The following CELF2 variants were observed in gnomAD, a reference collection of about 807,000 sequenced individuals.
CELF2 encodes CUG triplet repeat RNA-binding protein 2.
In CELF2, 8 loss-of-function variants were observed where a neutral mutation model predicts 62.6. The observed-to-expected ratio is 0.13, with a 90% confidence interval of 0.07 to 0.23. The LOEUF (loss-of-function observed/expected upper bound fraction) is 0.23. CELF2 is among the 10% of genes least tolerant of loss of function. The pLI is 1.00. For synonymous variants in CELF2, 258 were observed against 250.0 expected (o/e 1.03, Z -0.30); for missense variants, 333 against 671.0 (o/e 0.50, Z 5.56).
At chr10:10,804,313 A>G (rs2054979314) in intron 1 of CELF2, among the ~76,000 whole-genome samples, 1 of 152,120 alleles carries the variant, frequency 6.6e-6, no homozygotes, top group Non-Finnish European at 1.5e-5. Flanking sequence ...ACCTAATAAA[A>G]CTTTATTTAA....
chr10:10,895,500 A>G (rs1313227581), intron 1 of CELF2, among the ~76,000 whole-genome samples: 1 of 152,176 alleles, frequency 6.6e-6, no homozygotes, highest in Non-Finnish European at 1.5e-5. Flanking sequence ...TGAAACAAAG[A>G]AGGACCAGTA....
At chr10:10,751,614 C>G in the CELF2 span, among the ~76,000 whole-genome samples, 1 of 152,110 alleles carries the variant, frequency 6.6e-6, no homozygotes, top group Non-Finnish European at 1.5e-5. Context: ...CAATATTGAC[C>G]AGTGATGTTA....
the CELF2 span, among the ~76,000 whole-genome samples, chr10:10,759,444 G>A: frequency 6.6e-6 from 1 of 151,558 alleles, no homozygotes; most frequent in Non-Finnish European, 1.5e-5. Context: ...CAAGTACCTG[G>A]GATTACAGGT....
chr10:11,197,072 AAAGAAAGAAAG>A (rs1475213820), intron 2 of CELF2, among the ~76,000 whole-genome samples: 2,126 of 135,830 alleles, frequency 0.016, 185 homozygotes, highest in Admixed American at 0.045. Context: ...GAAAGAAAGG[AAAGAAAGAAAG>A]AAGAAAGAAA....
rs2083526326 is a variant in CELF2, at chr10:11,270,841, GCCGGCGTGGT to G, written c.777+19_777+28del. 15 of 1,356,646 alleles carry G rather than the reference GCCGGCGTGGT, an allele frequency of 1.1e-5. No homozygotes were observed. The highest frequency in any genetic ancestry group is 1.4e-5 in the Non-Finnish European group (15 of 1,041,768). 84.0% of individuals were successfully genotyped at this position (1,356,646 alleles called of 1,614,324 possible). A position where few individuals can be genotyped will look rare whatever the true frequency, so the allele number is the denominator to read the frequency against. On this transcript the variant is annotated intron_variant, in intron 7 of 12. Transcript: ENST00000633077. The surrounding 1 kb of genome is among the most constrained non-coding windows in gnomAD (Gnocchi z 5.8). ...TATCTGGCGGTAAGTGCTGGGCAATGCCGGCGTGGTCTTCACCCGCTGAAACTCTGCAAAC... is the reference window on the plus strand; with the variant it reads ...TATCTGGCGGTAAGTGCTGGGCAATGCTTCACCCGCTGAAACTCTGCAAAC...
At chr10:11,020,557 G>A (rs2058145269) in intron 1 of CELF2, among the ~76,000 whole-genome samples, 1 of 152,130 alleles carries the variant, frequency 6.6e-6, no homozygotes, top group South Asian at 2.1e-4. Flanking sequence ...TGTCATGTGT[G>A]GTATATTGCC....
chr10:10,703,735 A>G, the CELF2 span, among the ~76,000 whole-genome samples: 1 of 152,236 alleles, frequency 6.6e-6, no homozygotes, highest in African/African-American at 2.4e-5. Context: ...GAGGTACATT[A>G]CATTCTGAAT....
At chr10:10,648,607 GC>G in the CELF2 span, among the ~76,000 whole-genome samples, 1 of 152,088 alleles carries the variant, frequency 6.6e-6, no homozygotes, top group African/African-American at 2.4e-5. Context: ...TTTCCTCTCG[GC>G]TCTATGTCAT....
At chr10:10,507,850 T>C in the CELF2 span, among the ~76,000 whole-genome samples, 1 of 152,194 alleles carries the variant, frequency 6.6e-6, no homozygotes, top group Non-Finnish European at 1.5e-5. Flanking sequence ...AGTGATCAGA[T>C]GTGATCTTTA....
the CELF2 span, among the ~76,000 whole-genome samples, chr10:10,774,601 G>A: frequency 6.6e-6 from 1 of 152,212 alleles, no homozygotes; most frequent in Non-Finnish European, 1.5e-5. Context: ...CTTCCGCGAT[G>A]ACTGTAAGTT....
intron 2 of CELF2, among the ~76,000 whole-genome samples, chr10:11,190,615 TTA>T (rs1013587151): frequency 1.3e-5 from 2 of 149,488 alleles, no homozygotes; most frequent in African/African-American, 2.5e-5. Flanking sequence ...AATTGTTCTT[TTA>T]AAAAAAAAAA....
chr10:10,732,712 C>T, the CELF2 span, among the ~76,000 whole-genome samples: 2 of 152,068 alleles, frequency 1.3e-5, no homozygotes, highest in Admixed American at 1.3e-4. Context: ...TTAGTAGGCA[C>T]AGGGTTTCAC....
chr10:11,309,156 C>CTTTTTTTTT lies in CELF2; in HGVS notation c.977-4978_977-4977insTTTTTTTTT, dbSNP rs1414850315. Among the ~76,000 whole-genome samples, 2 of 152,184 alleles carry CTTTTTTTTT rather than the reference C, an allele frequency of 1.3e-5. No individual in the cohort carries two copies. The highest frequency in any genetic ancestry group is 2.9e-5 in the Non-Finnish European group (2 of 68,038). On this transcript the variant is annotated intron_variant, in intron 9 of 12. Coordinates refer to ENST00000633077, the MANE Select transcript of CELF2 (RefSeq NM_001326342.2). The surrounding 1 kb of genome is among the most constrained non-coding windows in gnomAD (Gnocchi z 5.6). ...CACAGTTTCTGTTGTCTGCTGTCTG[C>CTTTTTTTTT]TTTTTCCTGTGTACGGATTGCATGT...
At chr10:10,959,478 C>T (rs1026779469) in intron 2 of CELF2, among the ~76,000 whole-genome samples, 9 of 152,098 alleles carry the variant, frequency 5.9e-5, no homozygotes, top group Non-Finnish European at 1.2e-4. Flanking sequence ...CTTTGAGTTC[C>T]GCTCAGAAGA....
At chr10:11,052,763 T>C (rs1367949673) in intron 1 of CELF2, among the ~76,000 whole-genome samples, 1 of 152,198 alleles carries the variant, frequency 6.6e-6, no homozygotes, top group Non-Finnish European at 1.5e-5. Flanking sequence ...TGCAAGTAGA[T>C]GGCCCCATTA....
the CELF2 span, among the ~76,000 whole-genome samples, chr10:10,500,438 G>A: frequency 1.9e-4 from 29 of 152,126 alleles, no homozygotes; most frequent in Admixed American, 1.9e-3. Context: ...AATCATGGGG[G>A]TGGGTCTTTC....
the CELF2 span, among the ~76,000 whole-genome samples, chr10:10,538,590 C>T: frequency 6.6e-6 from 1 of 152,168 alleles, no homozygotes; most frequent in African/African-American, 2.4e-5. Flanking sequence ...ACCCCTATCC[C>T]CTGCCCAAAC....
At chr10:11,254,876 C>A (rs11817658) in intron 4 of CELF2, among the ~76,000 whole-genome samples, 52,628 of 151,980 alleles carry the variant, frequency 0.35, 9,801 homozygotes, top group African/African-American at 0.47. Flanking sequence ...CCCTTTTCTA[C>A]CCCCTTTCCA....
chr10:10,945,807 G>A (rs1249716775), intron 2 of CELF2, among the ~76,000 whole-genome samples: 1 of 152,182 alleles, frequency 6.6e-6, no homozygotes, highest in Non-Finnish European at 1.5e-5. Context: ...CAGGATAGAA[G>A]CCCCAGGAAA....
Sources: gnomAD v4.1 joint callset for allele counts (sites outside exome capture counted in the v4.1 genomes callset) on GRCh38, gnomAD v4.1.1 for gene constraint, Gnocchi (gnomAD v3.1) non-coding constraint, MANE v1.5 for transcripts, NCBI Gene and HGNC (gene_info 2026-07-23, HGNC 2026-07-21) for gene names.